Variants in WFS1 observed in about 807,000 individuals in gnomAD.
WFS1 encodes the protein wolframin ER transmembrane glycoprotein, also known as wolframin.
Under a neutral mutation model 68.5 loss-of-function variants are expected in WFS1, and 90 were observed. The observed-to-expected ratio is 1.31, with a 90% CI of 1.11 to 1.56. The LOEUF (loss-of-function observed/expected upper bound fraction) is 1.56, where lower values mean the gene tolerates loss of function less well. Among genes scored for constraint, WFS1 ranks in the 40% most tolerant of loss-of-function variants. WFS1 has a pLI of 0.00. For synonymous variants in WFS1, 860 were observed against 540.7 expected, an observed-to-expected ratio of 1.59 and a Z score of -8.19; for missense variants, 1,767 against 1,232.6, an observed-to-expected ratio of 1.43 and a Z score of -6.49.
intron 3 of WFS1, among the ~76,000 whole-genome samples, chr4:6,288,080 G>A (rs1730362233): frequency 6.6e-6 from 1 of 152,046 alleles, no homozygotes; most frequent in African/African-American, 2.4e-5. Context: ...AGCCAGACAT[G>A]GTGGTGCATG....
Position 6,302,017 on chromosome 4 carries a change from C to T in WFS1, c.2222C>T (p.Ala741Val), listed in dbSNP as rs770396410. ...MRCLYGEAYP[A>V]CSPGNTSTAE... ...TGCCTCTACGGCGAGGCCTACCCTG[C>T]CTGCAGCCCTGGCAACACCTCCACG... The change falls in exon 8 of 8, where the codon GCC (alanine) becomes GTC (valine). Residue 741 changes from alanine (A) to valine (V), a missense_variant. Ala to Val is a moderately conservative substitution (Grantham distance 64). Transcript: ENST00000226760. The T allele has an allele frequency of 9.3e-6, 15 of 1,612,634 alleles. No individual in the cohort carries two copies. Among genetic ancestry groups the T allele is most frequent in the Admixed American group, 1.7e-5 (1 of 59,982 alleles).
At chr4:6,291,609 C>T (rs1263603954) in intron 5 of WFS1, among the ~76,000 whole-genome samples, 1 of 152,172 alleles carries the variant, frequency 6.6e-6, no homozygotes, top group Non-Finnish European at 1.5e-5. Flanking sequence ...TGCCCTGGCT[C>T]AAGTGCTCAC....
At position 6,277,463 on chromosome 4, in the gene WFS1, C is replaced by G; in HGVS notation, c.8C>G (p.Ser3Cys). Residue 3 changes from serine (S) to cysteine (C), a missense_variant, in exon 2 of 8, where the codon TCC becomes TGC. By Grantham distance (112) the Ser-to-Cys change is moderately radical (BLOSUM62 -1). Transcript: ENST00000226760. MD[S>C]NTAPLGPSCP... ...ACTTTTCTTCCAGGCAGGATGGACT[C>G]CAACACTGCTCCGCTGGGCCCCTCC... 3 of 1,554,720 alleles carry G rather than the reference C, an allele frequency of 1.9e-6. No homozygotes were observed. Among genetic ancestry groups the G allele is most frequent in the South Asian group, 2.4e-5 (2 of 84,400 alleles).
In WFS1 at chr4:6,301,427, C is replaced by T. The variant is rs140115060; in HGVS notation, c.1632C>T (p.Ser544=). 2.9e-4 allele frequency: 468 copies of T among 1,612,430 alleles called. 1 individual carries two copies. Among genetic ancestry groups the T allele is most frequent in the Middle Eastern group, 4.9e-4 (3 of 6,062 alleles). The change falls in exon 8 of 8, where the codon TCC becomes TCT. Residue 544 remains serine, a synonymous_variant. Coordinates refer to ENST00000226760, the MANE Select transcript of WFS1 (RefSeq NM_006005.3). Reference sequence around the variant, plus strand: ...TGTGCTTCATGTGGTGTGAGCTCTCCGTGGTCATCCTGCTGGAGTCCACCG... The same window carrying T: ...TGTGCTTCATGTGGTGTGAGCTCTCTGTGGTCATCCTGCTGGAGTCCACCG... ...YLVCFMWCEL[S]VVILLESTGL... is the part of the protein sequence containing the mutation.
Position 6,302,807 on chromosome 4 carries a change from T to C in WFS1, c.*339T>C. 2.4e-6 allele frequency: 1 copy of C among 422,682 alleles called. No individual in the cohort carries two copies. The highest frequency in any genetic ancestry group is 2.0e-5 in the African/African-American group (1 of 50,022). The allele number at this position is 422,682 out of a possible 1,614,324, so 26.2% of individuals were successfully genotyped here. A position where few individuals can be genotyped will look rare whatever the true frequency, so the allele number is the denominator to read the frequency against. ...TGAGATTCCCTCTCCTCCCCCACCTTCAAGCACCCTGTTCCCTCTTTCTTT... is the reference window on the plus strand; with the variant it reads ...TGAGATTCCCTCTCCTCCCCCACCTCCAAGCACCCTGTTCCCTCTTTCTTT... On this transcript the variant is annotated 3_prime_UTR_variant, in exon 8 of 8. Coordinates refer to ENST00000226760, the MANE Select transcript of WFS1 (RefSeq NM_006005.3).
chr4:6,299,027 G>A (rs1730742735), intron 7 of WFS1, among the ~76,000 whole-genome samples: 2 of 152,242 alleles, frequency 1.3e-5, no homozygotes, highest in Non-Finnish European at 2.9e-5. Context: ...ACTTCCTGGT[G>A]TTGGTCCAGG....
At position 6,299,820 on chromosome 4, in the gene WFS1, G is replaced by A. The variant is rs114444458; in HGVS notation, c.862-837G>A. ...GGTTGTTTGAATGCGGGTAGGTTGCGTGTGTGTGAATGTGTATAGGGGTGG... is the reference window on the plus strand; with the variant it reads ...GGTTGTTTGAATGCGGGTAGGTTGCATGTGTGTGAATGTGTATAGGGGTGG... On this transcript the variant is annotated intron_variant, in intron 7 of 7. Coordinates refer to ENST00000226760, the MANE Select transcript of WFS1 (RefSeq NM_006005.3). Among the ~76,000 whole-genome samples, 428 of 136,290 alleles carry A rather than the reference G, an allele frequency of 3.1e-3. 4 individuals are homozygous for A. Among genetic ancestry groups the A allele is most frequent in the African/African-American group, 0.012 (410 of 34,404 alleles). The allele number at this position is 136,290 out of a possible 152,430, so 89.4% of individuals were successfully genotyped here. A position where few individuals can be genotyped will look rare whatever the true frequency, so the allele number is the denominator to read the frequency against.
At chr4:6,288,224 A>AAC (rs1452002102) in intron 3 of WFS1, among the ~76,000 whole-genome samples, 1 of 151,650 alleles carries the variant, frequency 6.6e-6, no homozygotes, top group Non-Finnish European at 1.5e-5. Context: ...CTCAAAAAAA[A>AAC]AAAAAAAAAA....
In WFS1 at chr4:6,302,445, T is replaced by G. The variant is rs762918000; in HGVS notation, c.2650T>G (p.Phe884Val). Residue 884 changes from phenylalanine to valine, a missense_variant, in exon 8 of 8, where the codon TTC becomes GTC. By Grantham distance (50) the Phe-to-Val change is conservative. Coordinates refer to ENST00000226760, the MANE Select transcript of WFS1 (RefSeq NM_006005.3). The stretch of plus-strand genomic sequence containing the variant: ...GAAGTTCGCCTTCGACTTCTTTTTC[T>G]TCCCATTCCTGTCGGCGGCCTGAGG... Reference protein sequence around the residue: ...AVKFAFDFFFFPFLSAA With the variant: ...AVKFAFDFFFVPFLSAA 1.2e-6 allele frequency: 2 copies of G among 1,612,998 alleles called. No homozygotes were observed. The highest frequency in any genetic ancestry group is 1.7e-5 in the Admixed American group (1 of 60,014).
chr4:6,279,036 C>T (rs945573348), intron 2 of WFS1, among the ~76,000 whole-genome samples: 14 of 152,142 alleles, frequency 9.2e-5, no homozygotes, highest in East Asian at 3.9e-4. Context: ...AAGCCCTGGG[C>T]GCCGCCTGAC....
chr4:6,274,236 A>T (rs1033793012), intron 1 of WFS1, among the ~76,000 whole-genome samples: 55 of 151,904 alleles, frequency 3.6e-4, no homozygotes, highest in African/African-American at 1.2e-3. Flanking sequence ...TTTAATAGAG[A>T]CGGGGTTTCA....
intron 2 of WFS1, among the ~76,000 whole-genome samples, chr4:6,286,861 C>T (rs1490838600): frequency 6.6e-5 from 10 of 152,216 alleles, no homozygotes; most frequent in Non-Finnish European, 7.3e-5. Flanking sequence ...TGAACCACCT[C>T]ACCCGCATAG....
intron 7 of WFS1, among the ~76,000 whole-genome samples, chr4:6,299,589 G>A: frequency 5.2e-5 from 3 of 57,234 alleles, no homozygotes; most frequent in African/African-American, 1.9e-4. Flanking sequence ...GAATGTGTGT[G>A]TAGGGGTGGG....
In WFS1 at chr4:6,301,248, G is replaced by T. The variant is rs1361513213; in HGVS notation, c.1453G>T (p.Gly485Cys). ...PLNWPYLKVL[G>C]QTFITVPVGH... ...GAATTGGCCCTACCTGAAGGTCCTT[G>T]GCCAGACCTTCATCACCGTGCCTGT... The change falls in exon 8 of 8, where the codon GGC becomes TGC. Residue 485 changes from glycine to cysteine, a missense_variant. Coordinates refer to ENST00000226760, the MANE Select transcript of WFS1 (RefSeq NM_006005.3). 1.9e-6 allele frequency: 3 copies of T among 1,611,450 alleles called. No individual in the cohort carries two copies. The highest frequency in any genetic ancestry group is 1.7e-6 in the Non-Finnish European group (2 of 1,180,014).
At chr4:6,272,402 G>A (rs1729867915) in intron 1 of WFS1, among the ~76,000 whole-genome samples, 1 of 152,236 alleles carries the variant, frequency 6.6e-6, no homozygotes, top group African/African-American at 2.4e-5. Flanking sequence ...CTGTGAATGT[G>A]CCACATTGGA....
intron 1 of WFS1, among the ~76,000 whole-genome samples, chr4:6,276,024 C>T (rs1209625480): frequency 6.6e-6 from 1 of 152,210 alleles, no homozygotes. Flanking sequence ...CTGGTGGGCA[C>T]AGAGCCAGGA....
At chr4:6,296,756 C>A (rs1254622571) in intron 7 of WFS1, among the ~76,000 whole-genome samples, 1 of 152,248 alleles carries the variant, frequency 6.6e-6, no homozygotes, top group Non-Finnish European at 1.5e-5. Context: ...GCATATGCGT[C>A]CTGTTCGGAA....
At chr4:6,289,221 C>T in intron 4 of WFS1, 90 bp downstream of exon 4, 1 of 1,468,750 alleles carries the variant, frequency 6.8e-7, no homozygotes. Context: ...TCTTACCAAA[C>T]CTAACGCTGG....
At chr4:6,291,485 C>T (rs949954902) in intron 5 of WFS1, 118 bp downstream of exon 5, 23 of 1,370,228 alleles carry the variant, frequency 1.7e-5, no homozygotes, top group East Asian at 1.3e-4. Flanking sequence ...CCACAGGAGC[C>T]GGGACCTTCC....
Sources: gnomAD v4.1 joint callset for allele counts (sites outside exome capture counted in the v4.1 genomes callset) on GRCh38, gnomAD v4.1.1 for gene constraint, MANE v1.5 for transcripts, NCBI Gene and HGNC (gene_info 2026-07-23, HGNC 2026-07-21) for gene names.